Variants in ARHGAP42 observed in about 807,000 individuals in gnomAD.
ARHGAP42 encodes rho GTPase-activating protein 42.
In ARHGAP42, 63 loss-of-function variants were observed where a neutral mutation model predicts 125.0. The observed-to-expected ratio is 0.50, with a 90% CI of 0.41 to 0.62. The LOEUF (loss-of-function observed/expected upper bound fraction) is 0.62, where lower values mean the gene tolerates loss of function less well. Ranked by LOEUF, ARHGAP42 falls within the 20% of genes least tolerant of loss-of-function variation. The pLI, the probability that ARHGAP42 is intolerant of heterozygous loss-of-function variation, is 0.00. For missense variants in ARHGAP42, 766 were observed against 1,024.2 expected (o/e 0.75, Z 3.44); for synonymous variants, 339 against 351.0 (o/e 0.97, Z 0.38).
intron 3 of ARHGAP42, among the ~76,000 whole-genome samples, chr11:100,853,241 T>C (rs1865246069): frequency 1.3e-5 from 2 of 152,184 alleles, no homozygotes; most frequent in Non-Finnish European, 2.9e-5. Context: ...TATCTTGATA[T>C]TTATAGTTGA....
At chr11:100,802,596 T>A (rs1863884441) in intron 3 of ARHGAP42, among the ~76,000 whole-genome samples, 1 of 149,356 alleles carries the variant, frequency 6.7e-6, no homozygotes, top group Non-Finnish European at 1.5e-5. Context: ...GGCTAATTTT[T>A]GTATTTTTGT....
intron 1 of ARHGAP42, among the ~76,000 whole-genome samples, chr11:100,721,266 C>T (rs1194108741): frequency 1.3e-5 from 2 of 152,056 alleles, no homozygotes; most frequent in African/African-American, 2.4e-5. Flanking sequence ...AACAACTCTC[C>T]CGTGCTTTTC....
chr11:100,958,322 G>A (rs933219371), intron 12 of ARHGAP42, among the ~76,000 whole-genome samples: 3 of 152,042 alleles, frequency 2.0e-5, no homozygotes, highest in Non-Finnish European at 2.9e-5. Context: ...GTCATTAGCT[G>A]CACTCTGATG....
At chr11:100,749,219 G>T (rs903196523) in intron 1 of ARHGAP42, among the ~76,000 whole-genome samples, 1 of 152,036 alleles carries the variant, frequency 6.6e-6, no homozygotes, top group Non-Finnish European at 1.5e-5. Context: ...TTTGTGGAAG[G>T]CTCAACCCCT....
intron 1 of ARHGAP42, among the ~76,000 whole-genome samples, chr11:100,690,496 A>G (rs1433344730): frequency 6.6e-6 from 1 of 152,210 alleles, no homozygotes; most frequent in African/African-American, 2.4e-5. Context: ...AGGCTCCTTT[A>G]AATTGAACTA....
At chr11:100,965,807 C>T in intron 17 of ARHGAP42, 31 bp downstream of exon 17, 1 of 1,504,888 alleles carries the variant, frequency 6.6e-7, no homozygotes, top group Non-Finnish European at 9.0e-7. Context: ...GTTCATTTAA[C>T]TTATTGTTCA....
chr11:100,921,059 C>CT (rs1220649751), intron 5 of ARHGAP42, among the ~76,000 whole-genome samples: 1 of 151,230 alleles, frequency 6.6e-6, no homozygotes, highest in African/African-American at 2.4e-5. Flanking sequence ...ACGGCCCCTG[C>CT]TTTTTTTATA....
In ARHGAP42 at chr11:100,781,087, T is replaced by G. The variant is rs146644869; in HGVS notation, c.250+10649T>G. 3.2e-3 allele frequency among the ~76,000 whole-genome samples: 492 copies of G among 152,312 alleles called. 3 individuals carry two copies. Among genetic ancestry groups the G allele is most frequent in the African/African-American group, 0.011 (475 of 41,576 alleles). On this transcript the variant is annotated intron_variant, in intron 2 of 23. Coordinates refer to ENST00000298815, the MANE Select transcript of ARHGAP42 (RefSeq NM_152432.4). Reference sequence around the variant, plus strand: ...TTCCTAGTTTTCTTTGTGGAGTTTCTCTAACTTATGTTAAATATACTGTAA... The same window carrying G: ...TTCCTAGTTTTCTTTGTGGAGTTTCGCTAACTTATGTTAAATATACTGTAA...
intron 1 of ARHGAP42, among the ~76,000 whole-genome samples, chr11:100,729,938 G>A (rs1428512433): frequency 6.6e-6 from 1 of 151,276 alleles, no homozygotes; most frequent in Non-Finnish European, 1.5e-5. Context: ...AGCCTCCCGA[G>A]TTGCTGGGAT....
chr11:100,870,947 T>TAAAA (rs35187671), intron 4 of ARHGAP42, among the ~76,000 whole-genome samples: 2 of 141,896 alleles, frequency 1.4e-5, no homozygotes, highest in Non-Finnish European at 1.5e-5. Flanking sequence ...AAAGAAGGTT[T>TAAAA]AAAAAAAAAA....
intron 12 of ARHGAP42, among the ~76,000 whole-genome samples, chr11:100,958,529 A>ACT (rs1857867818): frequency 6.6e-6 from 1 of 151,970 alleles, no homozygotes; most frequent in South Asian, 2.1e-4. Context: ...ATACACACAC[A>ACT]CACATATATA....
chr11:100,823,176 A>C (rs905437332), intron 3 of ARHGAP42, among the ~76,000 whole-genome samples: 12 of 152,200 alleles, frequency 7.9e-5, no homozygotes, highest in Non-Finnish European at 1.6e-4. Context: ...TGAGAAGCCC[A>C]GACAATTGGT....
At chr11:100,766,985 C>T (rs1460259594) in intron 1 of ARHGAP42, among the ~76,000 whole-genome samples, 1 of 152,038 alleles carries the variant, frequency 6.6e-6, no homozygotes, top group African/African-American at 2.4e-5. Flanking sequence ...AAATAGACAC[C>T]CATCTCTTAC....
chr11:100,695,508 T>C (rs1289714603), intron 1 of ARHGAP42, among the ~76,000 whole-genome samples: 2 of 152,194 alleles, frequency 1.3e-5, no homozygotes, highest in African/African-American at 4.8e-5. Context: ...TTTCACCATG[T>C]TGGTCAGGCT....
At chr11:100,974,624 G>A in intron 19 of ARHGAP42, 21 bp downstream of exon 19, 1 of 1,532,500 alleles carries the variant, frequency 6.5e-7, no homozygotes, top group Non-Finnish European at 8.8e-7. Flanking sequence ...CCGGCCTTAG[G>A]GAGATGCTTT....
At chr11:100,806,829 G>C (rs1203490925) in intron 3 of ARHGAP42, among the ~76,000 whole-genome samples, 2 of 115,464 alleles carry the variant, frequency 1.7e-5, no homozygotes, top group African/African-American at 6.0e-5. Flanking sequence ...TTATTTGTTT[G>C]TTTGTTTGTT....
At chr11:100,736,763 T>A (rs1012998656) in intron 1 of ARHGAP42, among the ~76,000 whole-genome samples, 5 of 152,226 alleles carry the variant, frequency 3.3e-5, no homozygotes, top group Admixed American at 2.6e-4. Flanking sequence ...GTCTTTTTTT[T>A]AAATTAAAAA....
intron 1 of ARHGAP42, among the ~76,000 whole-genome samples, chr11:100,733,594 C>T (rs557734272): frequency 2.0e-5 from 3 of 151,958 alleles, no homozygotes; most frequent in African/African-American, 7.2e-5. Context: ...GCGGCCGAGG[C>T]GGGCAGATCA....
intron 3 of ARHGAP42, among the ~76,000 whole-genome samples, chr11:100,813,864 T>G: frequency 6.6e-6 from 1 of 152,138 alleles, no homozygotes; most frequent in Admixed American, 6.6e-5. Flanking sequence ...CGGCAACATG[T>G]AAGTCACTTT....
Sources: gnomAD v4.1 joint callset for allele counts (sites outside exome capture counted in the v4.1 genomes callset) on GRCh38, gnomAD v4.1.1 for gene constraint, MANE v1.5 for transcripts, NCBI Gene and HGNC (gene_info 2026-07-23, HGNC 2026-07-21) for gene names.